Variants in TAF2 observed in about 807,000 individuals in gnomAD.
TAF2 encodes transcription initiation factor TFIID subunit 2.
TAF2 carries 61 observed loss-of-function variants against 138.5 expected under a neutral mutation model. The observed-to-expected ratio is 0.44, with a 90% CI of 0.36 to 0.54. TAF2 has a LOEUF of 0.54. TAF2 is among the 20% of genes least tolerant of loss of function. The probability of loss-of-function intolerance (pLI) is 0.00; values close to 1 mark genes in which losing one functional copy is unlikely to be tolerated. For missense variants in TAF2, 1,090 were observed against 1,427.9 expected (o/e 0.76, Z 3.81); for synonymous variants, 475 against 469.9 (o/e 1.01, Z -0.14).
At chr8:119,765,757 T>C (rs1022382463) in intron 18 of TAF2, among the ~76,000 whole-genome samples, 4 of 152,338 alleles carry the variant, frequency 2.6e-5, no homozygotes, top group Admixed American at 1.3e-4. Context: ...GATATTGAGC[T>C]AGGAATGATG....
At chr8:119,818,268 T>C (rs1170108872) in intron 3 of TAF2, among the ~76,000 whole-genome samples, 2 of 152,214 alleles carry the variant, frequency 1.3e-5, no homozygotes, top group Non-Finnish European at 2.9e-5. Context: ...GATTGAGAAC[T>C]GGCCTGTAGA....
chr8:119,791,643 G>T, intron 10 of TAF2, 184 bp from the exon 11 acceptor site: 2 of 603,046 alleles, frequency 3.3e-6, no homozygotes, highest in Non-Finnish European at 2.7e-6. Flanking sequence ...TTTACTTAAG[G>T]ACATAAAGGA....
intron 15 of TAF2, among the ~76,000 whole-genome samples, chr8:119,784,907 C>T (rs1822910087): frequency 6.6e-6 from 1 of 152,154 alleles, no homozygotes; most frequent in Non-Finnish European, 1.5e-5. Context: ...AGTCTGAGCA[C>T]TGCTCTAGAG....
At chr8:119,793,343 T>A in intron 10 of TAF2, 23 bp downstream of exon 10, 1 of 1,571,300 alleles carries the variant, frequency 6.4e-7, no homozygotes, top group Non-Finnish European at 8.8e-7. Context: ...GTTTATAATA[T>A]CATCTCTGAA....
chr8:119,825,741 G>T (rs1031127424), intron 2 of TAF2, among the ~76,000 whole-genome samples: 5 of 152,160 alleles, frequency 3.3e-5, no homozygotes, highest in African/African-American at 1.2e-4. Flanking sequence ...CTGGAGGGCA[G>T]TGGTGCGATC....
rs754007710 is a variant in TAF2, at chr8:119,795,566, A to G, written c.1157T>C (p.Phe386Ser). Reference protein sequence around the residue: ...YIYGLWMKKTFGVNEYRHWIK... With the variant: ...YIYGLWMKKTSGVNEYRHWIK... Reference sequence around the variant, plus strand: ...CCAATGGCGGTACTCATTAACACCAAAAGTTTTTTTCATCCAAAGTCCATA... The same window carrying G: ...CCAATGGCGGTACTCATTAACACCAGAAGTTTTTTTCATCCAAAGTCCATA... The change falls in exon 9 of 26, where the codon TTT becomes TCT. Residue 386 changes from phenylalanine to serine, a missense_variant. Phe to Ser is a radical substitution (Grantham distance 155). This residue lies in a region of TAF2 where 504 missense variants were observed against 680.9 expected (regional missense o/e 0.74). Transcript: ENST00000378164. 2.5e-6 allele frequency: 4 copies of G among 1,613,702 alleles called. No individual in the cohort carries two copies. The highest frequency in any genetic ancestry group is 3.4e-6 in the Non-Finnish European group (4 of 1,179,814).
chr8:119,773,730 T>C (rs1168907938), intron 18 of TAF2, among the ~76,000 whole-genome samples: 1 of 151,566 alleles, frequency 6.6e-6, no homozygotes, highest in Admixed American at 6.8e-5. Context: ...TCTCCTGTTC[T>C]TTCACCTCAA....
At chr8:119,829,467 G>A (rs1448789551) in intron 2 of TAF2, among the ~76,000 whole-genome samples, 1 of 151,756 alleles carries the variant, frequency 6.6e-6, no homozygotes, top group Admixed American at 6.6e-5. Flanking sequence ...ACCTCATGTT[G>A]GTTTCTGTTA....
chr8:119,824,408 G>T (rs1246424346), intron 2 of TAF2, among the ~76,000 whole-genome samples: 1 of 148,562 alleles, frequency 6.7e-6, no homozygotes, highest in African/African-American at 2.5e-5. Flanking sequence ...CAGCCTGGGG[G>T]ACAGAGTGAG....
At position 119,756,115 on chromosome 8, in the gene TAF2, C is replaced by T. The variant is rs760086203; in HGVS notation, c.2769G>A (p.Arg923=). 2.5e-6 allele frequency: 4 copies of T among 1,611,152 alleles called. No homozygotes were observed. The highest frequency in any genetic ancestry group is 2.2e-5 in the East Asian group (1 of 44,750). The change falls in exon 22 of 26, where the codon AGG becomes AGA. Residue 923 remains arginine (R), a splice_region_variant and synonymous_variant. Transcript: ENST00000378164. ...TAGTCAACATGTTGAGAATCTTATG[C>T]CTGAAAGATTAAAAAAAATTAAATT... The part of the protein sequence containing the change: ...MIQNDPVPYV[R]HKILNMLTKN...
chr8:119,748,420 T>TAGTG (rs1820127769), intron 22 of TAF2, among the ~76,000 whole-genome samples: 1 of 150,914 alleles, frequency 6.6e-6, no homozygotes. Context: ...TCATACTAGA[T>TAGTG]AGTGCATTGT....
intron 10 of TAF2, 160 bp from the exon 11 acceptor site, chr8:119,791,619 G>A: frequency 1.3e-6 from 1 of 760,328 alleles, no homozygotes; most frequent in Non-Finnish European, 2.0e-6. Context: ...TTAACTAGAA[G>A]AAAATTATGA....
rs1371773045 is a variant in TAF2 at position 119,731,818 on chromosome 8, G to A, written c.*106C>T. 9.3e-7 allele frequency: 1 copy of A among 1,080,998 alleles called. No homozygotes were observed. The highest frequency in any genetic ancestry group is 1.6e-5 in the African/African-American group (1 of 63,912). The allele number at this position is 1,080,998 out of a possible 1,614,324, so 67.0% of individuals were successfully genotyped here. A position where few individuals can be genotyped will look rare whatever the true frequency, so the allele number is the denominator to read the frequency against. ...AAATGAATTCAGAATTTCTGTAGGA[G>A]AGGCGAATCCTTTCCCCCCTCCCTT... On this transcript the variant is annotated 3_prime_UTR_variant, in exon 26 of 26. Coordinates refer to ENST00000378164, the MANE Select transcript of TAF2 (RefSeq NM_003184.4).
At chr8:119,781,288 G>T in intron 16 of TAF2, 95 bp from the exon 17 acceptor site, 1 of 1,401,014 alleles carries the variant, frequency 7.1e-7, no homozygotes, top group Non-Finnish European at 9.8e-7. Context: ...ACTACAACTG[G>T]ATTGGGTTTT....
chr8:119,771,379 G>A (rs1400407197), intron 18 of TAF2, among the ~76,000 whole-genome samples: 1 of 151,980 alleles, frequency 6.6e-6, no homozygotes, highest in Non-Finnish European at 1.5e-5. Flanking sequence ...GGGATTACAA[G>A]CATGTGCGAC....
chr8:119,778,656 T>G (rs1693993220), intron 17 of TAF2, among the ~76,000 whole-genome samples: 1 of 152,206 alleles, frequency 6.6e-6, no homozygotes, highest in Non-Finnish European at 1.5e-5. Context: ...ACCTTCAGTC[T>G]TAGAACAAAT....
intron 6 of TAF2, among the ~76,000 whole-genome samples, chr8:119,799,159 AT>A (rs1290753496): frequency 6.7e-6 from 1 of 149,638 alleles, no homozygotes; most frequent in African/African-American, 2.5e-5. Flanking sequence ...AAATTTTTTT[AT>A]ATTATCATTT....
At chr8:119,799,579 C>T (rs1824095760) in intron 6 of TAF2, among the ~76,000 whole-genome samples, 1 of 152,154 alleles carries the variant, frequency 6.6e-6, no homozygotes, top group African/African-American at 2.4e-5. Context: ...GGTTCCAAGT[C>T]TTTGCTATTG....
At chr8:119,760,146 T>A (rs775445989) in intron 20 of TAF2, among the ~76,000 whole-genome samples, 1 of 152,058 alleles carries the variant, frequency 6.6e-6, no homozygotes, top group Non-Finnish European at 1.5e-5. Context: ...TAAAAAAAAA[T>A]ATGTGTATTC....
Sources: gnomAD v4.1 joint callset for allele counts (sites outside exome capture counted in the v4.1 genomes callset) on GRCh38, gnomAD v4.1.1 for gene constraint, gnomAD v4.1.1 regional missense constraint, MANE v1.5 for transcripts, NCBI Gene and HGNC (gene_info 2026-07-23, HGNC 2026-07-21) for gene names.